Variants in SYNE1 observed in about 807,000 individuals in gnomAD.
The protein encoded by SYNE1 is spectrin repeat containing nuclear envelope protein 1, also known as nesprin-1.
SYNE1 carries 616 observed loss-of-function variants against 1,111.0 expected under a neutral mutation model. The ratio of observed to expected loss-of-function variants is 0.55; its 90% CI spans 0.52 to 0.59. SYNE1 has a LOEUF of 0.59. Ranked by LOEUF, SYNE1 falls within the 20% of genes least tolerant of loss-of-function variation. The pLI, the probability that SYNE1 is intolerant of heterozygous loss-of-function variation, is 0.00. For synonymous variants in SYNE1, 3,855 were observed against 3,825.8 expected (o/e 1.01, Z -0.28); for missense variants, 10,006 against 10,417.0 (o/e 0.96, Z 1.72).
chr6:152,264,650 A>C (rs1026149139), intron 100 of SYNE1, among the ~76,000 whole-genome samples: 2 of 152,036 alleles, frequency 1.3e-5, no homozygotes, highest in Non-Finnish European at 2.9e-5. Flanking sequence ...AAATTCAAAA[A>C]TTAGCCAGGC....
chr6:152,605,004 GAA>G (rs1491199518), intron 3 of SYNE1, among the ~76,000 whole-genome samples: 402 of 24,682 alleles, frequency 0.016, no homozygotes, highest in Non-Finnish European at 0.018. Flanking sequence ...AAGAAAGAAA[GAA>G]AGAGAGAGAG....
intron 131 of SYNE1, among the ~76,000 whole-genome samples, chr6:152,160,240 A>G (rs2062188823): frequency 6.6e-6 from 1 of 151,780 alleles, no homozygotes; most frequent in Non-Finnish European, 1.5e-5. Context: ...TCTCCTGATA[A>G]CTCATTTTCC....
In SYNE1 at chr6:152,236,931, A is replaced by G. The variant is rs761007657; in HGVS notation, c.20085T>C (p.Asp6695=). The change falls in exon 109 of 146, where the codon GAT becomes GAC. Residue 6695 remains aspartate (D), a synonymous_variant. Transcript: ENST00000367255. ...EYILETWSHL[D]EDQQELSRQL... is the part of the protein sequence containing the mutation. ...GTCTGCTGAGCTCCTGCTGGTCCTC[A>G]TCCAGATGGGACCACGTCTAGAAAC... The G allele has an allele frequency of 2.5e-6, 4 of 1,614,084 alleles. No individual in the cohort carries two copies. The South Asian group carries it at 4.4e-5, about 18-fold the overall frequency.
chr6:152,459,035 T>C, intron 21 of SYNE1, 105 bp from the exon 22 acceptor site: 1 of 978,526 alleles, frequency 1.0e-6, no homozygotes, highest in South Asian at 1.4e-5. Flanking sequence ...ACATGATCAT[T>C]TGGTGCTTAC....
In SYNE1 at chr6:152,323,299, G is replaced by T. The variant is rs1170245848; in HGVS notation, c.15917+179C>A. 2.6e-5 allele frequency among the ~76,000 whole-genome samples: 4 copies of T among 152,300 alleles called. No individual in the cohort carries two copies. The East Asian group carries it at 7.7e-4, about 29-fold the overall frequency. On this transcript the variant is annotated intron_variant, in intron 82 of 145. Coordinates refer to ENST00000367255, the MANE Select transcript of SYNE1 (RefSeq NM_182961.4). Reference sequence around the variant, plus strand: ...TAAAAATACAAAAAATTAGCCGGGCGTGGTGGCGGGCGCCTGTAGTCCCAG... The same window carrying T: ...TAAAAATACAAAAAATTAGCCGGGCTTGGTGGCGGGCGCCTGTAGTCCCAG...
intron 3 of SYNE1, among the ~76,000 whole-genome samples, chr6:152,562,234 G>A (rs1447597513): frequency 6.6e-6 from 1 of 151,922 alleles, no homozygotes; most frequent in Admixed American, 6.6e-5. Context: ...AAAGAAAACG[G>A]GCAAAGGACC....
intron 101 of SYNE1, among the ~76,000 whole-genome samples, chr6:152,258,414 C>T (rs4869762): frequency 0.58 from 88,682 of 152,004 alleles, 26,251 homozygotes; most frequent in East Asian, 0.75. Context: ...CTGCATTATG[C>T]GAATTATTAT....
intron 115 of SYNE1, among the ~76,000 whole-genome samples, chr6:152,227,457 T>C (rs2081856082): frequency 6.6e-6 from 1 of 152,214 alleles, no homozygotes; most frequent in African/African-American, 2.4e-5. Context: ...GTGATCATTT[T>C]TGTTTTTCAT....
Position 152,281,837 on chromosome 6 carries a change from C to T in SYNE1, c.18351G>A (p.Met6117Ile). 2 of 1,614,134 alleles carry T rather than the reference C, an allele frequency of 1.2e-6. No individual in the cohort carries two copies. The highest frequency in any genetic ancestry group is 1.7e-6 in the Non-Finnish European group (2 of 1,180,014). Residue 6117 changes from methionine to isoleucine, a missense_variant, in exon 97 of 146, where the codon ATG becomes ATA. By Grantham distance (10) the Met-to-Ile change is conservative. Transcript: ENST00000367255. ...AGTCCATAAGCTGGGCCTCCATGTCCATGGGCTCCTTGGGTGGACTCAGCG... is the reference window on the plus strand; with the variant it reads ...AGTCCATAAGCTGGGCCTCCATGTCTATGGGCTCCTTGGGTGGACTCAGCG... ...DTALSPPKEPMDMEAQLMDCQ... is the reference protein window; with the variant it reads ...DTALSPPKEPIDMEAQLMDCQ...
At chr6:152,207,100 G>C (rs2076654950) in intron 125 of SYNE1, among the ~76,000 whole-genome samples, 1 of 152,166 alleles carries the variant, frequency 6.6e-6, no homozygotes, top group Admixed American at 6.5e-5. Context: ...ACCTAACCAA[G>C]GCAGTGGCAG....
At chr6:152,420,607 G>A (rs2098242789) in intron 39 of SYNE1, among the ~76,000 whole-genome samples, 2 of 152,216 alleles carry the variant, frequency 1.3e-5, no homozygotes, top group African/African-American at 4.8e-5. Flanking sequence ...GTGACAGAGT[G>A]AGACTCTGTC....
chr6:152,455,340 T>C lies in SYNE1; in HGVS notation c.2892+86A>G. 3 of 1,444,896 alleles carry C rather than the reference T, an allele frequency of 2.1e-6. No individual in the cohort carries two copies. The South Asian group carries it at 4.0e-5, about 19-fold the overall frequency. The allele number at this position is 1,444,896 out of a possible 1,614,324, so 89.5% of individuals were successfully genotyped here. ...CTCATCTGCCCGCTCTCCTTCTGTATCAGATCAGCATGCCTTTTTTAAGCT... is the reference window on the plus strand; with the variant it reads ...CTCATCTGCCCGCTCTCCTTCTGTACCAGATCAGCATGCCTTTTTTAAGCT... On this transcript the variant is annotated intron_variant, in intron 24 of 145. Coordinates refer to ENST00000367255, the MANE Select transcript of SYNE1 (RefSeq NM_182961.4).
chr6:152,143,750 A>C lies in SYNE1; in HGVS notation c.24992T>G (p.Leu8331Arg), dbSNP rs532387179. The C allele has an allele frequency of 8.7e-6, 14 of 1,614,182 alleles. No homozygotes were observed. In the South Asian group the frequency reaches 1.5e-4, roughly 18 times the overall value. Residue 8331 changes from leucine to arginine, a missense_variant, in exon 138 of 146, where the codon CTA becomes CGA. By Grantham distance (102) the Leu-to-Arg change is moderately radical (BLOSUM62 -2). This residue lies in a region of SYNE1 where 761 missense variants were observed against 795.5 expected (regional missense o/e 0.96). Transcript: ENST00000367255. ...GCCCAGTTGTCGGATCTGTGACTCTAGGGCACTGTGGTCCCCTGCGGTGGC... is the reference window on the plus strand; with the variant it reads ...GCCCAGTTGTCGGATCTGTGACTCTCGGGCACTGTGGTCCCCTGCGGTGGC... Reference protein sequence around the residue: ...AVGLSGDHSALESQIRQLGKA... With the variant: ...AVGLSGDHSARESQIRQLGKA...
chr6:152,456,244 T>C (rs2098695104), intron 22 of SYNE1, among the ~76,000 whole-genome samples, 200 bp from the exon 23 acceptor site: 1 of 149,868 alleles, frequency 6.7e-6, no homozygotes, highest in Non-Finnish European at 1.5e-5. Context: ...TGCTTTCTTA[T>C]ATAAGGCATT....
intron 4 of SYNE1, among the ~76,000 whole-genome samples, chr6:152,531,040 A>T (rs1242110761): frequency 1.3e-5 from 2 of 152,042 alleles, no homozygotes; most frequent in Non-Finnish European, 2.9e-5. Context: ...TGTCTAGGTT[A>T]TCAGATCAAC....
Position 152,381,351 on chromosome 6 carries a change from A to C in SYNE1, c.8664T>G (p.Asp2888Glu). 6.2e-7 allele frequency: 1 copy of C among 1,613,558 alleles called. No homozygotes were observed. Among genetic ancestry groups the C allele is most frequent in the Non-Finnish European group, 8.5e-7 (1 of 1,180,008 alleles). Residue 2888 changes from aspartate (D) to glutamate (E), a missense_variant, in exon 56 of 146, where the codon GAT becomes GAG. Around this residue, in one of 7 missense-constraint regions of SYNE1, gnomAD observed 4,955 missense variants for 5,017.2 expected, o/e 0.99. Coordinates refer to ENST00000367255, the MANE Select transcript of SYNE1 (RefSeq NM_182961.4). ...GACGGCTTGCACCAATCTCTCTGGA[A>C]TCTATCAGCTCCTGTAATGGAATAT... ...KKLSKIKELIDSREIGASRLS... is the reference protein window; with the variant it reads ...KKLSKIKELIESREIGASRLS...
chr6:152,156,190 A>G, intron 131 of SYNE1, 93 bp from the exon 132 acceptor site: 1 of 1,279,424 alleles, frequency 7.8e-7, no homozygotes, highest in East Asian at 2.3e-5. Context: ...GCTAGGCTAC[A>G]CCTTGACAAA....
intron 40 of SYNE1, 148 bp downstream of exon 40, chr6:152,419,421 A>G: frequency 1.1e-6 from 1 of 873,234 alleles, no homozygotes; most frequent in Non-Finnish European, 1.7e-6. Context: ...CTTAACTCAT[A>G]TGCTCAATTA....
intron 115 of SYNE1, 121 bp from the exon 116 acceptor site, chr6:152,225,997 T>A: frequency 1.0e-6 from 1 of 995,036 alleles, no homozygotes; most frequent in Non-Finnish European, 1.5e-6. Context: ...AAAGCTTATC[T>A]CTTTCAGAAG....
Sources: gnomAD v4.1 joint callset for allele counts (sites outside exome capture counted in the v4.1 genomes callset) on GRCh38, gnomAD v4.1.1 for gene constraint, gnomAD v4.1.1 regional missense constraint, MANE v1.5 for transcripts, NCBI Gene and HGNC (gene_info 2026-07-23, HGNC 2026-07-21) for gene names.